The following LHFPL3 variants were observed in gnomAD, a reference collection of about 807,000 sequenced individuals.
LHFPL3 encodes LHFPL tetraspan subfamily member 3 protein.
In LHFPL3, 5 loss-of-function variants were observed where a neutral mutation model predicts 19.3. That is an observed-to-expected ratio of 0.26 (90% CI 0.14 to 0.54). The LOEUF (loss-of-function observed/expected upper bound fraction) is 0.54, where lower values mean the gene tolerates loss of function less well. LHFPL3 is among the 20% of genes least tolerant of loss of function. The pLI is 0.94. For missense variants in LHFPL3, 249 were observed against 307.4 expected (o/e 0.81, Z 1.42); for synonymous variants, 133 against 126.2 (o/e 1.05, Z -0.36).
chr7:104,731,319 T>TC (rs1396256868), intron 1 of LHFPL3, among the ~76,000 whole-genome samples: 1 of 160 alleles, frequency 6.3e-3, no homozygotes, highest in Non-Finnish European at 0.011. Flanking sequence ...TTGGGCAGTA[T>TC]GGCATTTTCA....
At chr7:104,339,962 G>A (rs559699368) in intron 1 of LHFPL3, among the ~76,000 whole-genome samples, 8 of 152,150 alleles carry the variant, frequency 5.3e-5, no homozygotes, top group Non-Finnish European at 1.2e-4. Context: ...GATGGTGGTG[G>A]TGAAGATGGA....
chr7:104,589,001 A>G (rs201557375), intron 1 of LHFPL3, among the ~76,000 whole-genome samples: 3 of 152,262 alleles, frequency 2.0e-5, no homozygotes, highest in South Asian at 2.1e-4. Context: ...TCAGCTTAAG[A>G]AGATTTTGGG....
intron 1 of LHFPL3, among the ~76,000 whole-genome samples, chr7:104,529,804 A>C (rs1439087261): frequency 1.3e-5 from 2 of 152,162 alleles, no homozygotes; most frequent in African/African-American, 4.8e-5. Context: ...CTGAATCATC[A>C]CAGAGGATGG....
At chr7:104,463,037 T>C (rs1792706285) in intron 1 of LHFPL3, among the ~76,000 whole-genome samples, 1 of 152,210 alleles carries the variant, frequency 6.6e-6, no homozygotes, top group Non-Finnish European at 1.5e-5. Context: ...GAGGTATCCA[T>C]AGTAGTTTCT....
In LHFPL3 at chr7:104,454,868, T is replaced by C. The variant is rs369837760; in HGVS notation, c.445+125644T>C. 2.8e-4 allele frequency among the ~76,000 whole-genome samples: 42 copies of C among 152,350 alleles called. No homozygotes were observed. In the East Asian group the frequency reaches 4.2e-3, roughly 15 times the overall value. On this transcript the variant is annotated intron_variant, in intron 1 of 2. Transcript: ENST00000424859. ...TGTTATAATTTTGTTCCTATATTAT[T>C]AATTTAATTCATAAAGTACAAATTA...
intron 2 of LHFPL3, among the ~76,000 whole-genome samples, chr7:104,817,708 T>G (rs1264866351): frequency 6.6e-6 from 1 of 151,970 alleles, no homozygotes; most frequent in Non-Finnish European, 1.5e-5. Context: ...CACAGAAGCC[T>G]CCTCCCTCAG....
At chr7:104,699,579 A>G (rs1793062683) in intron 1 of LHFPL3, among the ~76,000 whole-genome samples, 1 of 152,282 alleles carries the variant, frequency 6.6e-6, no homozygotes, top group East Asian at 1.9e-4. Flanking sequence ...ATGGACATAG[A>G]GCTTCAGTTG....
chr7:104,711,027 G>C (rs916715473), intron 1 of LHFPL3, among the ~76,000 whole-genome samples: 1 of 152,202 alleles, frequency 6.6e-6, no homozygotes, highest in African/African-American at 2.4e-5. Flanking sequence ...GATAGGTTTA[G>C]AGCTATGAAG....
intron 2 of LHFPL3, among the ~76,000 whole-genome samples, chr7:104,904,071 G>A (rs1019317197): frequency 9.2e-5 from 14 of 152,148 alleles, no homozygotes; most frequent in African/African-American, 1.7e-4. Context: ...ATTCCTTTCC[G>A]TAGGGCTTCT....
At chr7:104,813,327 T>C (rs11973563) in intron 2 of LHFPL3, among the ~76,000 whole-genome samples, 5,873 of 152,176 alleles carry the variant, frequency 0.039, 394 homozygotes, top group African/African-American at 0.13. Context: ...AGATCAAAAA[T>C]TGAACTTAGC....
At chr7:104,705,892 T>C (rs559500093) in intron 1 of LHFPL3, among the ~76,000 whole-genome samples, 7 of 152,240 alleles carry the variant, frequency 4.6e-5, no homozygotes, top group South Asian at 2.1e-4. Flanking sequence ...AGGCAGCTCA[T>C]GCAAACAGGA....
rs538735899 is a variant in LHFPL3, at chr7:104,828,717, G to C, written c.683-77470G>C. Among the ~76,000 whole-genome samples the C allele has an allele frequency of 2.0e-5, 3 of 152,064 alleles. No homozygotes were observed. The South Asian group carries it at 6.2e-4, about 32-fold the overall frequency. The stretch of plus-strand genomic sequence containing the variant: ...TCAGCCAGACAAATGGCGTAAGTGG[G>C]AAGGTAAGAGGGAAATAAAGAGTCC... On this transcript the variant is annotated intron_variant, in intron 2 of 2. Coordinates refer to ENST00000424859, the MANE Select transcript of LHFPL3 (RefSeq NM_199000.3).
chr7:104,335,681 AATAAT>A (rs1789791815), intron 1 of LHFPL3, among the ~76,000 whole-genome samples: 1 of 152,164 alleles, frequency 6.6e-6, no homozygotes, highest in South Asian at 2.1e-4. Context: ...TCCGTAAGTA[AATAAT>A]ATAATAAAAG....
intron 1 of LHFPL3, among the ~76,000 whole-genome samples, chr7:104,664,429 T>C (rs1346966226): frequency 6.6e-6 from 1 of 152,230 alleles, no homozygotes; most frequent in African/African-American, 2.4e-5. Context: ...TTTCTCATTC[T>C]TTCAGGTTCA....
At chr7:104,636,860 C>G (rs1791738124) in intron 1 of LHFPL3, among the ~76,000 whole-genome samples, 1 of 152,146 alleles carries the variant, frequency 6.6e-6, no homozygotes, top group East Asian at 1.9e-4. Flanking sequence ...ATGTGTGTGT[C>G]TTTATGGTAG....
At chr7:104,784,838 T>G (rs926417095) in intron 2 of LHFPL3, among the ~76,000 whole-genome samples, 1 of 152,078 alleles carries the variant, frequency 6.6e-6, no homozygotes, top group African/African-American at 2.4e-5. Context: ...CCCCATAAGA[T>G]CCCACTTATG....
chr7:104,436,930 C>T (rs1048425386), intron 1 of LHFPL3, among the ~76,000 whole-genome samples: 1 of 152,164 alleles, frequency 6.6e-6, no homozygotes, highest in Non-Finnish European at 1.5e-5. Context: ...AGAGGTGACA[C>T]ATACTTTTCA....
At chr7:104,667,662 A>G in intron 1 of LHFPL3, 1 of 965,552 alleles carries the variant, frequency 1.0e-6, no homozygotes, top group South Asian at 1.6e-5. Context: ...GTAAATAGTA[A>G]CTAAAGTTAA....
At chr7:104,896,294 A>T (rs1792356898) in intron 2 of LHFPL3, among the ~76,000 whole-genome samples, 1 of 152,140 alleles carries the variant, frequency 6.6e-6, no homozygotes, top group Non-Finnish European at 1.5e-5. Context: ...GGTGCTAGGG[A>T]CACTGTGGCT....
Sources: allele counts gnomAD v4.1 joint callset (sites outside exome capture counted in the v4.1 genomes callset), GRCh38; gene constraint gnomAD v4.1.1; transcripts MANE v1.5; gene names NCBI Gene and HGNC (gene_info 2026-07-23, HGNC 2026-07-21).